Variants in CADPS observed in about 807,000 individuals in gnomAD.
CADPS encodes the protein calcium dependent secretion activator.
In CADPS, 57 loss-of-function variants were observed where a neutral mutation model predicts 167.3. The observed-to-expected ratio is 0.34, with a 90% CI of 0.28 to 0.42. CADPS has a LOEUF of 0.42. Among genes scored for constraint, CADPS ranks in the 20% least tolerant of loss-of-function variants. The pLI is 1.00. For missense variants in CADPS, 1,414 were observed against 1,738.1 expected (o/e 0.81, Z 3.32); for synonymous variants, 676 against 635.3 (o/e 1.06, Z -0.96).
At chr3:62,517,991 T>A (rs1203776251) in intron 14 of CADPS, among the ~76,000 whole-genome samples, 158 bp downstream of exon 14, 1 of 152,210 alleles carries the variant, frequency 6.6e-6, no homozygotes, top group African/African-American at 2.4e-5. Context: ...TCCTGGTTAT[T>A]GCGGAACCAT....
At chr3:62,426,440 C>T (rs1237021233) in intron 28 of CADPS, among the ~76,000 whole-genome samples, 2 of 152,158 alleles carry the variant, frequency 1.3e-5, no homozygotes, top group Admixed American at 6.5e-5. Context: ...TGAGCCACCG[C>T]GCCCGGCCGT....
At chr3:62,460,292 G>A (rs1199676746) in intron 26 of CADPS, among the ~76,000 whole-genome samples, 1 of 152,172 alleles carries the variant, frequency 6.6e-6, no homozygotes, top group African/African-American at 2.4e-5. Flanking sequence ...CACAGTTGGT[G>A]CTTCTGTCCA....
In CADPS at chr3:62,433,570, G is replaced by A. The variant is rs2054398125; in HGVS notation, c.3777+4534C>T. On this transcript the variant is annotated intron_variant, in intron 28 of 29. Transcript: ENST00000383710. This position sits in a 1 kb window ranked among gnomAD's most constrained non-coding sequence, Gnocchi z 4.7. ...ATCATCTCCAGTCAAATGTTCCCTG[G>A]GCCTGGTTCCCAATGACACGGGGCC... is the stretch of plus-strand genomic sequence containing the variant. 6.6e-6 allele frequency among the ~76,000 whole-genome samples: 1 copy of A among 151,982 alleles called. No homozygotes were observed. Among genetic ancestry groups the A allele is most frequent in the Non-Finnish European group, 1.5e-5 (1 of 67,982 alleles).
intron 8 of CADPS, among the ~76,000 whole-genome samples, chr3:62,584,784 C>T (rs565115894): frequency 9.2e-5 from 14 of 152,250 alleles, no homozygotes; most frequent in Non-Finnish European, 2.1e-4. Context: ...GTGGCCTCTC[C>T]CTGCTGCTCA....
chr3:62,840,008 C>A (rs1273120899), intron 1 of CADPS, among the ~76,000 whole-genome samples: 1 of 152,090 alleles, frequency 6.6e-6, no homozygotes, highest in African/African-American at 2.4e-5. Context: ...CGGGGACATA[C>A]TGAGTTGAAT....
At chr3:62,679,385 G>A (rs1169592156) in intron 3 of CADPS, among the ~76,000 whole-genome samples, 1 of 80,746 alleles carries the variant, frequency 1.2e-5, no homozygotes, top group African/African-American at 3.1e-5. Context: ...AGAGATGCTG[G>A]TCCAGATGCT....
In CADPS at chr3:62,629,757, G is replaced by GTTTTTTTTT. The variant is rs55956118; in HGVS notation, c.1325+15956_1325+15964dup. Among the ~76,000 whole-genome samples, 1,041 of 145,484 alleles carry GTTTTTTTTT rather than the reference G, an allele frequency of 7.2e-3. 5 individuals are homozygous for GTTTTTTTTT. Among genetic ancestry groups the GTTTTTTTTT allele is most frequent in the African/African-American group, 0.022 (861 of 39,946 alleles). ...CCTCTTGCTCACAGACTCTGGTACA[G>GTTTTTTTTT]TTTTTTTTTTGTTTGTTTGTTTGTT... On this transcript the variant is annotated intron_variant, in intron 6 of 29. Coordinates refer to ENST00000383710, the MANE Select transcript of CADPS (RefSeq NM_003716.4).
intron 1 of CADPS, among the ~76,000 whole-genome samples, chr3:62,835,872 A>G (rs1187689840): frequency 2.6e-5 from 4 of 152,192 alleles, no homozygotes; most frequent in African/African-American, 7.2e-5. Context: ...TTTGAAAAAT[A>G]TTTTTGTTAC....
chr3:62,662,890 C>A (rs1292159941), intron 3 of CADPS, among the ~76,000 whole-genome samples: 1 of 152,144 alleles, frequency 6.6e-6, no homozygotes, highest in Non-Finnish European at 1.5e-5. Context: ...AGACCTGTAC[C>A]AGCCCTCCAG....
At chr3:62,873,898 G>T (rs2083127762) in intron 1 of CADPS, among the ~76,000 whole-genome samples, 1 of 152,128 alleles carries the variant, frequency 6.6e-6, no homozygotes, top group African/African-American at 2.4e-5. Context: ...AGTGAGGAAG[G>T]GTCAGGGGGA....
intron 16 of CADPS, 148 bp from the exon 17 acceptor site, chr3:62,512,916 C>A: frequency 5.4e-6 from 3 of 557,864 alleles, no homozygotes; most frequent in Non-Finnish European, 9.1e-6. Flanking sequence ...GTTCCCACCG[C>A]CCCAAAGTTT....
chr3:62,724,473 A>G (rs1470103811), intron 3 of CADPS, among the ~76,000 whole-genome samples: 1 of 152,232 alleles, frequency 6.6e-6, no homozygotes, highest in Non-Finnish European at 1.5e-5. Flanking sequence ...AATGACATAA[A>G]AAAATTCCTA....
At chr3:62,591,521 A>G (rs911633488) in intron 7 of CADPS, among the ~76,000 whole-genome samples, 4 of 152,230 alleles carry the variant, frequency 2.6e-5, no homozygotes, top group South Asian at 4.2e-4. Context: ...AATTTGGCCA[A>G]TGATGCTGGG....
At chr3:62,475,597 A>C (rs139824057) in intron 23 of CADPS, among the ~76,000 whole-genome samples, 22 of 146,440 alleles carry the variant, frequency 1.5e-4, no homozygotes, top group East Asian at 3.9e-4. Context: ...AAAAAAAAAA[A>C]AAAAAAAAAA....
intron 3 of CADPS, among the ~76,000 whole-genome samples, chr3:62,705,241 C>T (rs1414880055): frequency 1.3e-5 from 2 of 152,090 alleles, no homozygotes; most frequent in Non-Finnish European, 2.9e-5. Context: ...ATTTGAGATT[C>T]TTCTCTCCCT....
intron 1 of CADPS, among the ~76,000 whole-genome samples, chr3:62,775,898 G>C (rs1023275070): frequency 6.6e-6 from 1 of 152,122 alleles, no homozygotes; most frequent in Non-Finnish European, 1.5e-5. Context: ...CCGTGAAGTT[G>C]GCCGTTTTTA....
At chr3:62,786,434 G>T (rs2092437244) in intron 1 of CADPS, among the ~76,000 whole-genome samples, 1 of 152,092 alleles carries the variant, frequency 6.6e-6, no homozygotes, top group African/African-American at 2.4e-5. Context: ...TTAAGGTCAG[G>T]AGTTCAAGAG....
At chr3:62,788,244 A>C (rs2092635218) in intron 1 of CADPS, among the ~76,000 whole-genome samples, 1 of 152,182 alleles carries the variant, frequency 6.6e-6, no homozygotes, top group South Asian at 2.1e-4. Flanking sequence ...GAAAAATAAG[A>C]GGGTCTTGGA....
At chr3:62,516,395 A>G (rs999668274) in intron 15 of CADPS, among the ~76,000 whole-genome samples, 185 bp downstream of exon 15, 2 of 152,156 alleles carry the variant, frequency 1.3e-5, no homozygotes, top group South Asian at 2.1e-4. Context: ...TGTATATCCT[A>G]TTTGGGAGTT....
Sources: allele counts gnomAD v4.1 joint callset (sites outside exome capture counted in the v4.1 genomes callset), GRCh38; gene constraint gnomAD v4.1.1; non-coding constraint Gnocchi (gnomAD v3.1); transcripts MANE v1.5; gene names NCBI Gene and HGNC (gene_info 2026-07-23, HGNC 2026-07-21).